Variants in FGF12 observed in about 807,000 individuals in gnomAD.
The protein encoded by FGF12 is fibroblast growth factor 12, also known as fibroblast growth factor 12B.
Under a neutral mutation model 23.6 loss-of-function variants are expected in FGF12, and 14 were observed. The observed-to-expected ratio is 0.59, with a 90% CI of 0.39 to 0.93. The LOEUF is 0.93. FGF12 is among the 40% of genes least tolerant of loss of function. FGF12 has a pLI of 0.00. For missense variants in FGF12, 175 were observed against 217.8 expected (o/e 0.80, Z 1.24); for synonymous variants, 62 against 77.3 (o/e 0.80, Z 1.04).
Position 192,687,621 on chromosome 3 carries a change from T to G in FGF12, c.13+39560A>C, listed in dbSNP as rs1338268224. On this transcript the variant is annotated intron_variant, in intron 2 of 5. Transcript: ENST00000445105. ...ACCACCATGTCCACACCCAAGGTTG[T>G]CCCCTGCAGCAGGCTAGGGCATGCA... is the stretch of plus-strand genomic sequence containing the variant. Among the ~76,000 whole-genome samples the G allele has an allele frequency of 1.3e-5, 2 of 152,086 alleles. 1 individual carries two copies. The highest frequency in any genetic ancestry group is 2.9e-5 in the Non-Finnish European group (2 of 67,996).
In FGF12 at chr3:192,409,061, G is replaced by A. The variant is rs554835364; in HGVS notation, c.14-48523C>T. On this transcript the variant is annotated intron_variant, in intron 2 of 5. Coordinates refer to ENST00000445105, the MANE Select transcript of FGF12 (RefSeq NM_004113.6). The surrounding 1 kb of genome is among the most constrained non-coding windows in gnomAD (Gnocchi z 4.8). ...CGGCCAGCAGCACTGCAAAGAGAGC[G>A]GGAGGCGAGGGAGGGGGGAGGGCGC... 522 of 958,062 alleles carry A rather than the reference G, an allele frequency of 5.4e-4. 1 individual carries two copies. In the African/African-American group the frequency reaches 8.7e-3, roughly 16 times the overall value. 59.3% of individuals were successfully genotyped at this position (958,062 alleles called of 1,614,324 possible).
rs540686432 is a variant in FGF12, at chr3:192,673,738, C to T, written c.13+53443G>A. ...TGATCTCATTCCTTTTCTATGGCTG[C>T]ATAGTATTCCATGGTGTATATGTAC... On this transcript the variant is annotated intron_variant, in intron 2 of 5. Coordinates refer to ENST00000445105, the MANE Select transcript of FGF12 (RefSeq NM_004113.6). 1.3e-4 allele frequency among the ~76,000 whole-genome samples: 20 copies of T among 151,344 alleles called. No homozygotes were observed. In the South Asian group the frequency reaches 3.8e-3, roughly 28 times the overall value.
Position 192,408,298 on chromosome 3 carries a change from G to A in FGF12, c.14-47760C>T, listed in dbSNP as rs1721051243. ...TTGCGCTCCGCCGGGGCGAGGGCAGGACCTGGGCGGCCAGGGAAAGGGCAG... is the reference window on the plus strand; with the variant it reads ...TTGCGCTCCGCCGGGGCGAGGGCAGAACCTGGGCGGCCAGGGAAAGGGCAG... On this transcript the variant is annotated intron_variant, in intron 2 of 5. Transcript: ENST00000445105. The surrounding 1 kb of genome is among the most constrained non-coding windows in gnomAD (Gnocchi z 7.3). 1 of 1,465,060 alleles carries A rather than the reference G, an allele frequency of 6.8e-7. No homozygotes were observed. The highest frequency in any genetic ancestry group is 1.4e-5 in the African/African-American group (1 of 70,734). The allele number at this position is 1,465,060 out of a possible 1,614,324, so 90.8% of individuals were successfully genotyped here.
intron 2 of FGF12, among the ~76,000 whole-genome samples, chr3:192,537,175 T>A (rs1353796651): frequency 6.6e-6 from 1 of 152,236 alleles, no homozygotes; most frequent in East Asian, 1.9e-4. Flanking sequence ...TGTGTATATG[T>A]ACTACATTCT....
intron 4 of FGF12, among the ~76,000 whole-genome samples, chr3:192,296,839 C>G (rs575604259): frequency 3.3e-5 from 5 of 152,080 alleles, no homozygotes; most frequent in Non-Finnish European, 5.9e-5. Context: ...ATGTGGAGTA[C>G]TTAGTTTATA....
chr3:192,325,553 T>C (rs937541091), intron 4 of FGF12, among the ~76,000 whole-genome samples: 17 of 152,054 alleles, frequency 1.1e-4, no homozygotes, highest in African/African-American at 3.9e-4. Flanking sequence ...CAAGAAAGAG[T>C]TGTGAATATG....
intron 2 of FGF12, among the ~76,000 whole-genome samples, chr3:192,576,068 G>C (rs1003482888): frequency 3.9e-5 from 6 of 152,052 alleles, no homozygotes; most frequent in Admixed American, 1.3e-4. Context: ...GAGGGGAAAG[G>C]GTGAGTTGGG....
chr3:192,565,158 T>G (rs1480470387), intron 2 of FGF12, among the ~76,000 whole-genome samples: 1 of 152,244 alleles, frequency 6.6e-6, no homozygotes, highest in Admixed American at 6.5e-5. Flanking sequence ...AAGCATATTT[T>G]GGTAATATAA....
chr3:192,558,194 TAAAC>T (rs934998581), intron 2 of FGF12, among the ~76,000 whole-genome samples: 1 of 151,662 alleles, frequency 6.6e-6, no homozygotes, highest in Non-Finnish European at 1.5e-5. Context: ...CATATCAGAA[TAAAC>T]AAACAGAAAA....
At chr3:192,676,829 G>C (rs1717342110) in intron 2 of FGF12, among the ~76,000 whole-genome samples, 3 of 152,214 alleles carry the variant, frequency 2.0e-5, no homozygotes. Context: ...AAGAGGCATG[G>C]AATGGAACAG....
intron 4 of FGF12, among the ~76,000 whole-genome samples, chr3:192,293,380 T>C (rs1426554064): frequency 1.3e-5 from 2 of 152,216 alleles, no homozygotes; most frequent in Non-Finnish European, 2.9e-5. Context: ...TCCAATCATC[T>C]TTCCAGTGCT....
At chr3:192,651,894 G>GTC (rs1364268603) in intron 2 of FGF12, among the ~76,000 whole-genome samples, 5 of 152,138 alleles carry the variant, frequency 3.3e-5, no homozygotes, top group African/African-American at 1.2e-4. Context: ...TCAATTGTCA[G>GTC]TCTCTAGATT....
At chr3:192,412,527 C>T (rs1721229623) in intron 2 of FGF12, among the ~76,000 whole-genome samples, 1 of 152,180 alleles carries the variant, frequency 6.6e-6, no homozygotes, top group Non-Finnish European at 1.5e-5. Flanking sequence ...TGGATTCAAT[C>T]GGACAACAAA....
rs572199186 is a variant in FGF12 at position 192,622,749 on chromosome 3, T to C, written c.13+104432A>G. Among the ~76,000 whole-genome samples, 309 of 152,256 alleles carry C rather than the reference T, an allele frequency of 2.0e-3. 4 individuals carry two copies. The highest frequency in any genetic ancestry group is 0.01 in the Middle Eastern group (3 of 294). ...ACCCACAAATAAACAGATTTCTCACTTTTCTTCATCAGGTGAGGACCCAAA... is the reference window on the plus strand; with the variant it reads ...ACCCACAAATAAACAGATTTCTCACCTTTCTTCATCAGGTGAGGACCCAAA... On this transcript the variant is annotated intron_variant, in intron 2 of 5. Coordinates refer to ENST00000445105, the MANE Select transcript of FGF12 (RefSeq NM_004113.6).
intron 4 of FGF12, among the ~76,000 whole-genome samples, chr3:192,292,558 A>T (rs1714813100): frequency 6.6e-6 from 1 of 152,164 alleles, no homozygotes; most frequent in African/African-American, 2.4e-5. Flanking sequence ...TTAAAGGAAA[A>T]ATCATTCATT....
At chr3:192,603,707 C>G (rs944237677) in intron 2 of FGF12, among the ~76,000 whole-genome samples, 1 of 152,112 alleles carries the variant, frequency 6.6e-6, no homozygotes, top group African/African-American at 2.4e-5. Context: ...TCACAAAGAT[C>G]ACATGCCTCA....
intron 4 of FGF12, among the ~76,000 whole-genome samples, chr3:192,325,444 G>C (rs954549): frequency 0.34 from 50,962 of 151,930 alleles, 11,229 homozygotes; most frequent in African/African-American, 0.62. Flanking sequence ...GCATCATTAA[G>C]TTCAAATTCT....
intron 2 of FGF12, among the ~76,000 whole-genome samples, chr3:192,605,932 A>T (rs1714320144): frequency 6.6e-6 from 1 of 152,240 alleles, no homozygotes. Context: ...AATGTAAATT[A>T]GTATAGCCAC....
At chr3:192,315,854 T>C (rs1014636704) in intron 4 of FGF12, among the ~76,000 whole-genome samples, 1 of 152,194 alleles carries the variant, frequency 6.6e-6, no homozygotes, top group Non-Finnish European at 1.5e-5. Context: ...AAGGAGGACA[T>C]GGACTAAATG....
Sources: gnomAD v4.1 joint callset for allele counts (sites outside exome capture counted in the v4.1 genomes callset) on GRCh38, gnomAD v4.1.1 for gene constraint, Gnocchi (gnomAD v3.1) non-coding constraint, MANE v1.5 for transcripts, NCBI Gene and HGNC (gene_info 2026-07-23, HGNC 2026-07-21) for gene names.